DST: variants seen among roughly 807,000 people sequenced by gnomAD.
DST encodes the protein dystonin.
A neutral mutation model predicts 875.2 loss-of-function variants in DST; 253 were observed. The ratio of observed to expected loss-of-function variants is 0.29; its 90% confidence interval spans 0.26 to 0.32. The LOEUF is 0.32. Among genes scored for constraint, DST ranks in the 10% least tolerant of loss-of-function variants. The pLI is 1.00. For missense variants in DST, 8,287 were observed against 9,111.6 expected (o/e 0.91, Z 3.68); for synonymous variants, 3,124 against 3,197.1 (o/e 0.98, Z 0.77).
intron 2 of DST, among the ~76,000 whole-genome samples, chr6:56,942,055 C>A (rs1816876078): frequency 6.6e-6 from 1 of 152,148 alleles, no homozygotes; most frequent in South Asian, 2.1e-4. Context: ...TTGGTCCTTT[C>A]ATCATTGCGG....
intron 3 of DST, among the ~76,000 whole-genome samples, chr6:56,885,445 C>CAAGG (rs924540234): frequency 6.6e-6 from 1 of 152,070 alleles, no homozygotes; most frequent in African/African-American, 2.4e-5. Context: ...CAAGAGTGCA[C>CAAGG]AAGGGTATAT....
At chr6:56,666,153 G>A (rs1349169160) in intron 10 of DST, among the ~76,000 whole-genome samples, 1 of 151,742 alleles carries the variant, frequency 6.6e-6, no homozygotes, top group African/African-American at 2.4e-5. Flanking sequence ...ATACTGAATT[G>A]TTAGTAAAAC....
intron 36 of DST, chr6:56,616,125 C>T (rs1464050238): frequency 6.2e-7 from 1 of 1,614,200 alleles, no homozygotes; most frequent in Non-Finnish European, 8.5e-7. Context: ...TACCCTGCAA[C>T]AGGACTGTGC....
rs1310802903 is a variant in DST, at chr6:56,900,622, C to T, written c.217-1G>A. The T allele has an allele frequency of 1.5e-6, 2 of 1,366,998 alleles. No homozygotes were observed. Among genetic ancestry groups the T allele is most frequent in the Non-Finnish European group, 2.0e-6 (2 of 1,021,652 alleles). 84.7% of individuals were successfully genotyped at this position (1,366,998 alleles called of 1,614,324 possible). A position where few individuals can be genotyped will look rare whatever the true frequency, so the allele number is the denominator to read the frequency against. On this transcript the variant is annotated splice_acceptor_variant, in intron 2 of 103. Coordinates refer to ENST00000680361, the MANE Select transcript of DST (RefSeq NM_001374736.1). LOFTEE classifies it high-confidence loss of function. ...GATGCCGAGGGCTTGCTCTGAATCC[C>T]TGTGGCAGAAAACACAACCAAGCAA...
chr6:56,609,849 A>T (rs2098529713), intron 39 of DST, among the ~76,000 whole-genome samples: 1 of 152,238 alleles, frequency 6.6e-6, no homozygotes, highest in Non-Finnish European at 1.5e-5. Context: ...TGTGGAAAGT[A>T]TTCCCAGGAG....
chr6:56,537,117 A>G (rs553395195), intron 61 of DST, among the ~76,000 whole-genome samples, 177 bp from the exon 62 acceptor site: 1 of 152,330 alleles, frequency 6.6e-6, no homozygotes, highest in African/African-American at 2.4e-5. Flanking sequence ...AAAGAAACTA[A>G]ATATAAATTA....
chr6:56,593,718 T>C lies in DST; in HGVS notation c.12671A>G (p.Glu4224Gly). ...AGCATGATCCAACTTGCGCTGCACT[T>C]CTCTGTGGGTTGCAGAAGTATCAAC... ...GKVDTSATHREVQRKLDHATD... is the reference protein window; with the variant it reads ...GKVDTSATHRGVQRKLDHATD... Residue 4224 changes from glutamate to glycine, a missense_variant, in exon 48 of 104, where the codon GAA becomes GGA. Glu to Gly is a moderately conservative substitution (Grantham distance 98). Around this residue, in one of 10 missense-constraint regions of DST, gnomAD observed 1,513 missense variants for 1,677.8 expected, o/e 0.90. Transcript: ENST00000680361. 6.2e-7 allele frequency: 1 copy of C among 1,613,560 alleles called. No individual in the cohort carries two copies. Among genetic ancestry groups the C allele is most frequent in the African/African-American group, 1.3e-5 (1 of 75,004 alleles).
intron 10 of DST, among the ~76,000 whole-genome samples, chr6:56,656,703 C>T (rs1436504818): frequency 2.6e-5 from 4 of 152,164 alleles, no homozygotes; most frequent in Non-Finnish European, 4.4e-5. Context: ...CTGCAATATC[C>T]TGGTATCATA....
At chr6:56,712,256 C>A (rs926278258) in intron 5 of DST, among the ~76,000 whole-genome samples, 1 of 152,024 alleles carries the variant, frequency 6.6e-6, no homozygotes, top group Non-Finnish European at 1.5e-5. Context: ...CTCTTTTTCA[C>A]CTTAAAAAAA....
chr6:56,822,970 C>T (rs1022822588), intron 4 of DST, among the ~76,000 whole-genome samples: 1 of 151,934 alleles, frequency 6.6e-6, no homozygotes, highest in African/African-American at 2.4e-5. Flanking sequence ...GCTGGGACTA[C>T]AGGTGCCCGC....
chr6:56,697,605 C>T (rs898797097), intron 9 of DST, among the ~76,000 whole-genome samples: 1 of 152,074 alleles, frequency 6.6e-6, no homozygotes, highest in African/African-American at 2.4e-5. Flanking sequence ...ACTGGCATCA[C>T]AACAGTAAGT....
chr6:56,476,759 C>T (rs755100453), intron 91 of DST, among the ~76,000 whole-genome samples: 1 of 152,038 alleles, frequency 6.6e-6, no homozygotes, highest in African/African-American at 2.4e-5. Context: ...CAAGATCAGC[C>T]TGACCAACCT....
At chr6:56,726,125 T>C (rs2099455855) in intron 5 of DST, among the ~76,000 whole-genome samples, 1 of 152,202 alleles carries the variant, frequency 6.6e-6, no homozygotes, top group Non-Finnish European at 1.5e-5. Context: ...CTCTTTTAAA[T>C]GTTCACAACA....
intron 4 of DST, among the ~76,000 whole-genome samples, chr6:56,740,619 C>CA (rs1238450803): frequency 6.6e-6 from 1 of 152,200 alleles, no homozygotes; most frequent in Non-Finnish European, 1.5e-5. Flanking sequence ...CCACTATCCC[C>CA]AAGATACTGT....
rs2098490455 is a variant in DST, at chr6:56,605,808, T to A, written c.8820A>T (p.Ser2940=). 6.2e-7 allele frequency: 1 copy of A among 1,612,412 alleles called. No individual in the cohort carries two copies. Residue 2940 remains serine, a synonymous_variant, in exon 40 of 104, where the codon TCA becomes TCT. Coordinates refer to ENST00000680361, the MANE Select transcript of DST (RefSeq NM_001374736.1). ...TTGAACTGATATTATTATTATCATG[T>A]GAAATACTTGCAGGGCCAAAAGTTT... is the stretch of plus-strand genomic sequence containing the variant. ...SEKTFGPASI[S]HDNNNISSTS...
At chr6:56,464,821 G>C in intron 99 of DST, 65 bp from the exon 100 acceptor site, 1 of 1,256,142 alleles carries the variant, frequency 8.0e-7, no homozygotes, top group Non-Finnish European at 1.1e-6. Flanking sequence ...AAGAAACAAA[G>C]TACAGTAGTT....
At chr6:56,663,450 G>A (rs866562681) in intron 10 of DST, among the ~76,000 whole-genome samples, 5 of 152,182 alleles carry the variant, frequency 3.3e-5, no homozygotes, top group South Asian at 2.1e-4. Flanking sequence ...CCATGTGTAT[G>A]CACACACATA....
chr6:56,898,946 T>A (rs1191823447), intron 3 of DST, among the ~76,000 whole-genome samples: 1 of 152,256 alleles, frequency 6.6e-6, no homozygotes, highest in Admixed American at 6.5e-5. Context: ...GATTTCCTAG[T>A]GACCAGGTAC....
chr6:56,772,891 G>A (rs978489166), intron 4 of DST, among the ~76,000 whole-genome samples: 3 of 152,214 alleles, frequency 2.0e-5, no homozygotes, highest in African/African-American at 4.8e-5. Flanking sequence ...AAAATGGTAC[G>A]TTACTTCCAA....
Sources: gnomAD v4.1 joint callset for allele counts (sites outside exome capture counted in the v4.1 genomes callset) on GRCh38, gnomAD v4.1.1 for gene constraint, gnomAD v4.1.1 regional missense constraint, MANE v1.5 for transcripts, NCBI Gene and HGNC (gene_info 2026-07-23, HGNC 2026-07-21) for gene names.